AGBL1: variants seen among roughly 807,000 people sequenced by gnomAD.
AGBL1 encodes the protein AGBL carboxypeptidase 1, also known as cytosolic carboxypeptidase 4.
In AGBL1, 130 loss-of-function variants were observed where a neutral mutation model predicts 118.9. The ratio of observed to expected loss-of-function variants is 1.09; its 90% CI spans 0.95 to 1.26. AGBL1 has a LOEUF of 1.26. Ranked by LOEUF, AGBL1 falls within the 50% of genes most tolerant of loss-of-function variation. The probability of loss-of-function intolerance (pLI) is 0.00; values close to 1 mark genes in which losing one functional copy is unlikely to be tolerated. For synonymous variants in AGBL1, 555 were observed against 478.9 expected, an observed-to-expected ratio of 1.16 and a Z score of -2.08; for missense variants, 1,584 against 1,298.1, an observed-to-expected ratio of 1.22 and a Z score of -3.38.
At chr15:86,519,904 C>T (rs756713149) in intron 18 of AGBL1, among the ~76,000 whole-genome samples, 1 of 152,192 alleles carries the variant, frequency 6.6e-6, no homozygotes, top group Admixed American at 6.5e-5. Context: ...CCTTTGTGTG[C>T]TGTTTAACAG....
chr15:87,014,426 C>T (rs2081590296), intron 24 of AGBL1, among the ~76,000 whole-genome samples: 1 of 152,204 alleles, frequency 6.6e-6, no homozygotes, highest in Non-Finnish European at 1.5e-5. Flanking sequence ...ATTTCCAAGA[C>T]ACAAGTGAGA....
chr15:86,760,762 G>A (rs1218397326), intron 22 of AGBL1, among the ~76,000 whole-genome samples: 1 of 152,088 alleles, frequency 6.6e-6, no homozygotes, highest in East Asian at 1.9e-4. Flanking sequence ...GATAAGGAAA[G>A]TGAGGACGTT....
At chr15:86,152,397 A>G (rs1396142264) in intron 3 of AGBL1, among the ~76,000 whole-genome samples, 2 of 152,222 alleles carry the variant, frequency 1.3e-5, no homozygotes, top group South Asian at 2.1e-4. Flanking sequence ...CAAACCTGAC[A>G]AAAACAAGAA....
At chr15:86,744,024 T>C (rs1031411) in intron 22 of AGBL1, among the ~76,000 whole-genome samples, 1 of 152,138 alleles carries the variant, frequency 6.6e-6, no homozygotes, top group Non-Finnish European at 1.5e-5. Flanking sequence ...CTTATTTAAA[T>C]ATATATATTT....
At chr15:87,025,269 G>T (rs975733118) in intron 24 of AGBL1, among the ~76,000 whole-genome samples, 2 of 151,904 alleles carry the variant, frequency 1.3e-5, no homozygotes, top group African/African-American at 4.8e-5. Context: ...ACTGATAAAA[G>T]AATTCAGCAA....
At chr15:86,233,699 AG>A (rs1294715714) in intron 6 of AGBL1, among the ~76,000 whole-genome samples, 1 of 152,262 alleles carries the variant, frequency 6.6e-6, no homozygotes, top group Non-Finnish European at 1.5e-5. Flanking sequence ...CTTACTATGC[AG>A]TGGCAAGAAG....
intron 17 of AGBL1, among the ~76,000 whole-genome samples, chr15:86,303,974 A>T (rs2079796483): frequency 6.6e-6 from 1 of 152,124 alleles, no homozygotes; most frequent in African/African-American, 2.4e-5. Context: ...TTTGAACCAA[A>T]TCTGAATTCT....
intron 22 of AGBL1, among the ~76,000 whole-genome samples, chr15:86,697,348 A>T (rs940629807): frequency 2.0e-5 from 3 of 151,856 alleles, no homozygotes; most frequent in Non-Finnish European, 2.9e-5. Flanking sequence ...CTTGTCTTCC[A>T]GCTCTGAATT....
At chr15:86,998,151 C>T (rs900598892) in intron 24 of AGBL1, among the ~76,000 whole-genome samples, 10 of 152,044 alleles carry the variant, frequency 6.6e-5, no homozygotes, top group Non-Finnish European at 1.3e-4. Context: ...TGTGTAATTC[C>T]CTCCCGTTGA....
At chr15:86,941,939 G>T (rs1342869648) in intron 23 of AGBL1, among the ~76,000 whole-genome samples, 6 of 152,166 alleles carry the variant, frequency 3.9e-5, no homozygotes, top group Admixed American at 2.0e-4. Context: ...AGTTAAGATT[G>T]CAGATTTATT....
At chr15:86,241,252 A>G (rs1254255191) in intron 6 of AGBL1, among the ~76,000 whole-genome samples, 1 of 152,170 alleles carries the variant, frequency 6.6e-6, no homozygotes, top group Admixed American at 6.5e-5. Context: ...GGCTCTGCTC[A>G]TTGGTGAAGG....
At chr15:86,977,073 A>G (rs551617409) in intron 23 of AGBL1, among the ~76,000 whole-genome samples, 12 of 151,978 alleles carry the variant, frequency 7.9e-5, no homozygotes, top group African/African-American at 2.9e-4. Flanking sequence ...CTCTTCAGGT[A>G]TTTTATGCTC....
At chr15:86,111,857 C>T (rs1897405252) in intron 1 of AGBL1, among the ~76,000 whole-genome samples, 1 of 152,192 alleles carries the variant, frequency 6.6e-6, no homozygotes, top group Non-Finnish European at 1.5e-5. Flanking sequence ...TCTGTATTTA[C>T]AACCACTCCC....
intron 22 of AGBL1, among the ~76,000 whole-genome samples, chr15:86,828,009 TA>T (rs1263811682): frequency 7.1e-6 from 1 of 141,780 alleles, no homozygotes; most frequent in Non-Finnish European, 1.5e-5. Context: ...TGTGTGATCA[TA>T]GTCACTGCAA....
At chr15:86,452,695 C>T (rs1387319100) in intron 18 of AGBL1, among the ~76,000 whole-genome samples, 4 of 152,160 alleles carry the variant, frequency 2.6e-5, no homozygotes, top group Non-Finnish European at 5.9e-5. Context: ...AACGTTCTTA[C>T]TGAATGAAAC....
chr15:86,772,269 T>C (rs138919197), intron 22 of AGBL1, among the ~76,000 whole-genome samples: 2 of 152,190 alleles, frequency 1.3e-5, no homozygotes, highest in East Asian at 3.9e-4. Context: ...CATTACCCTC[T>C]GCTGATCCCA....
chr15:86,480,347 A>T (rs116280583), intron 18 of AGBL1, among the ~76,000 whole-genome samples: 48 of 152,226 alleles, frequency 3.2e-4, no homozygotes, highest in African/African-American at 1.0e-3. Context: ...TACACAATTT[A>T]AAAAAAGTTT....
intron 22 of AGBL1, among the ~76,000 whole-genome samples, chr15:86,689,479 T>C (rs548599499): frequency 6.6e-6 from 1 of 152,156 alleles, no homozygotes; most frequent in African/African-American, 2.4e-5. Context: ...TCAATAAATA[T>C]AATAAATGAA....
chr15:86,705,272 C>G (rs1028593873), intron 22 of AGBL1, among the ~76,000 whole-genome samples: 9 of 152,162 alleles, frequency 5.9e-5, no homozygotes, highest in African/African-American at 2.2e-4. Context: ...CATGCATGTT[C>G]TGCTCAAGTA....
Sources: gnomAD v4.1 joint callset for allele counts (sites outside exome capture counted in the v4.1 genomes callset) on GRCh38, gnomAD v4.1.1 for gene constraint, MANE v1.5 for transcripts, NCBI Gene and HGNC (gene_info 2026-07-23, HGNC 2026-07-21) for gene names.